The following CELSR1 variants were observed in gnomAD, a reference collection of about 807,000 sequenced individuals.
The protein encoded by CELSR1 is cadherin EGF LAG seven-pass G-type receptor 1, also known as adhesion G protein-coupled receptor C1.
A neutral mutation model predicts 249.1 loss-of-function variants in CELSR1; 110 were observed. That is an observed-to-expected ratio of 0.44 (90% confidence interval 0.38 to 0.52). The LOEUF (loss-of-function observed/expected upper bound fraction) is 0.52. Ranked by LOEUF, CELSR1 falls within the 20% of genes least tolerant of loss-of-function variation. The probability of loss-of-function intolerance (pLI) is 0.00; values close to 1 mark genes in which losing one functional copy is unlikely to be tolerated. For synonymous variants in CELSR1, 2,113 were observed against 1,900.0 expected, an observed-to-expected ratio of 1.11 and a Z score of -2.92; for missense variants, 4,109 against 4,296.4, an observed-to-expected ratio of 0.96 and a Z score of 1.22.
rs766319701 is a variant in CELSR1 at position 46,446,385 on chromosome 22, T to C, written c.4184-6974A>G. On this transcript the variant is annotated intron_variant, in intron 2 of 34. Transcript: ENST00000674500. The surrounding 1 kb of genome is among the most constrained non-coding windows in gnomAD (Gnocchi z 5.5). ...CTTAGGGTGACCCTGGGGGCTCTCA[T>C]GGACTCAAAATCTCCCCTCTCCAGC... Among the ~76,000 whole-genome samples the C allele has an allele frequency of 6.6e-5, 10 of 152,248 alleles. No individual in the cohort carries two copies. Among genetic ancestry groups the C allele is most frequent in the Non-Finnish European group, 1.2e-4 (8 of 68,010 alleles).
chr22:46,375,909 C>T (rs547220824), intron 24 of CELSR1, among the ~76,000 whole-genome samples: 39 of 152,322 alleles, frequency 2.6e-4, no homozygotes, highest in African/African-American at 9.1e-4. Flanking sequence ...CTTCATGTTA[C>T]CTAATAATGA....
intron 1 of CELSR1, among the ~76,000 whole-genome samples, chr22:46,476,785 G>A (rs963517159): frequency 1.3e-5 from 2 of 152,054 alleles, no homozygotes; most frequent in South Asian, 4.2e-4. Flanking sequence ...AGAGGGACCA[G>A]AAGTGATTAA....
chr22:46,536,262 G>A lies in CELSR1; in HGVS notation c.909C>T (p.Gly303=). Residue 303 remains glycine, a synonymous_variant, in exon 1 of 35, where the codon GGC becomes GGT. Coordinates refer to ENST00000674500, the MANE Select transcript of CELSR1 (RefSeq NM_001378328.1). ...RGYFRIDSAT[G]AVSTDSVLDR... ...CCAGTACGCTGTCCGTGCTCACGGC[G>A]CCCGTGGCAGAGTCGATTCGGAAGT... The A allele has an allele frequency of 6.2e-6, 10 of 1,612,304 alleles. No individual in the cohort carries two copies. The highest frequency in any genetic ancestry group is 8.5e-6 in the Non-Finnish European group (10 of 1,179,784).
chr22:46,534,672 C>G lies in CELSR1; in HGVS notation c.2499G>C (p.Pro833=). ...CACTGTCGGGGTCAATGCGGAACTG[C>G]GGCACGGGGTCCTGAATCACGTAGG... ...RITYVIQDPV[P]QFRIDPDSGT... The change falls in exon 1 of 35, where the codon CCG becomes CCC. Residue 833 remains proline (P), a synonymous_variant. Coordinates refer to ENST00000674500, the MANE Select transcript of CELSR1 (RefSeq NM_001378328.1). The surrounding 1 kb of genome is among the most constrained non-coding windows in gnomAD (Gnocchi z 9.7). The G allele has an allele frequency of 6.2e-7, 1 of 1,613,730 alleles. No individual in the cohort carries two copies. The highest frequency in any genetic ancestry group is 8.5e-7 in the Non-Finnish European group (1 of 1,180,022).
rs955575271 is a variant in CELSR1 at position 46,527,838 on chromosome 22, G to A, written c.3544+5789C>T. Among the ~76,000 whole-genome samples the A allele has an allele frequency of 2.6e-5, 4 of 152,184 alleles. No homozygotes were observed. Among genetic ancestry groups the A allele is most frequent in the African/African-American group, 9.7e-5 (4 of 41,436 alleles). ...AGGCTGGGAGCGGTGGCTCACGCCT[G>A]TAATCCCAGCATTTTGGGAGGCTGA... is the stretch of plus-strand genomic sequence containing the variant. On this transcript the variant is annotated intron_variant, in intron 1 of 34. Coordinates refer to ENST00000674500, the MANE Select transcript of CELSR1 (RefSeq NM_001378328.1). This position sits in a 1 kb window ranked among gnomAD's most constrained non-coding sequence, Gnocchi z 5.5.
At chr22:46,467,888 G>C (rs1458232738) in intron 1 of CELSR1, among the ~76,000 whole-genome samples, 2 of 152,092 alleles carry the variant, frequency 1.3e-5, no homozygotes, top group Admixed American at 1.3e-4. Flanking sequence ...TAAAAGGATG[G>C]GGTGGCAGGG....
rs1157640996 is a variant in CELSR1, at chr22:46,488,133, G to C, written c.3545-23788C>G. On this transcript the variant is annotated intron_variant, in intron 1 of 34. Transcript: ENST00000674500. This position sits in a 1 kb window ranked among gnomAD's most constrained non-coding sequence, Gnocchi z 4.7. ...CCTGCCCTGCACCTCAGTTTCAGGG[G>C]AGGGCTCTGCAGGCTGACAGCAGCT... Among the ~76,000 whole-genome samples, 1 of 151,910 alleles carries C rather than the reference G, an allele frequency of 6.6e-6. No homozygotes were observed. Among genetic ancestry groups the C allele is most frequent in the Admixed American group, 6.5e-5 (1 of 15,270 alleles).
At chr22:46,462,090 G>A (rs1373063211) in intron 2 of CELSR1, among the ~76,000 whole-genome samples, 1 of 152,262 alleles carries the variant, frequency 6.6e-6, no homozygotes, top group Non-Finnish European at 1.5e-5. Context: ...TGGGAGGCGG[G>A]GGTCTCCCGC....
rs1602038456 is a variant in CELSR1, at chr22:46,374,573, C to T, written c.7585-1516G>A. ...CGCCCTTTCCTTCTCCATGCTCAGC[C>T]GTGCGTGGCTGCCGGGACAGCGCTC... On this transcript the variant is annotated intron_variant, in intron 24 of 34. Transcript: ENST00000674500. The surrounding 1 kb of genome is among the most constrained non-coding windows in gnomAD (Gnocchi z 4.3). 6.6e-6 allele frequency among the ~76,000 whole-genome samples: 1 copy of T among 152,164 alleles called. No homozygotes were observed. The highest frequency in any genetic ancestry group is 1.9e-4 in the East Asian group (1 of 5,184).
In CELSR1 at chr22:46,537,434, G is replaced by A. The variant is rs567536149; in HGVS notation, c.-264C>T. On this transcript the variant is annotated 5_prime_UTR_variant, in exon 1 of 35. Coordinates refer to ENST00000674500, the MANE Select transcript of CELSR1 (RefSeq NM_001378328.1). The surrounding 1 kb of genome is among the most constrained non-coding windows in gnomAD (Gnocchi z 5.8). ...CCTCCGCGCGTCCCGGGAGGGCGCC[G>A]CGCATCAACCTGCGGCGGCGGCGGC... Among the ~76,000 whole-genome samples, 60 of 148,612 alleles carry A rather than the reference G, an allele frequency of 4.0e-4. No individual in the cohort carries two copies. The highest frequency in any genetic ancestry group is 1.2e-3 in the African/African-American group (51 of 40,980).
intron 5 of CELSR1, among the ~76,000 whole-genome samples, chr22:46,424,592 A>AT (rs2079516601): frequency 6.6e-6 from 1 of 152,170 alleles, no homozygotes; most frequent in South Asian, 2.1e-4. Flanking sequence ...CCTGTGTCCT[A>AT]TCACAGCCAC....
intron 1 of CELSR1, among the ~76,000 whole-genome samples, chr22:46,493,412 G>A (rs2080385945): frequency 6.6e-6 from 1 of 151,964 alleles, no homozygotes; most frequent in Non-Finnish European, 1.5e-5. Context: ...TGGGTGTGGT[G>A]GTGGGCACCT....
intron 1 of CELSR1, among the ~76,000 whole-genome samples, chr22:46,466,018 C>T (rs1199595171): frequency 6.6e-6 from 1 of 152,180 alleles, no homozygotes; most frequent in Non-Finnish European, 1.5e-5. Flanking sequence ...GGGAGGGCGC[C>T]TCTGGCTCTG....
chr22:46,520,121 G>A (rs370659178), intron 1 of CELSR1, among the ~76,000 whole-genome samples: 70 of 152,104 alleles, frequency 4.6e-4, no homozygotes, highest in East Asian at 1.9e-4. Context: ...TGATCCACCC[G>A]CCTCGGCCTC....
chr22:46,398,514 C>G lies in CELSR1; in HGVS notation c.5526+10G>C, dbSNP rs1324580936. ...CAGGCCTCCCCCCGCCCCCCACAACCCCCACGCACCTGCATGCAGCCTCGG... is the reference window on the plus strand; with the variant it reads ...CAGGCCTCCCCCCGCCCCCCACAACGCCCACGCACCTGCATGCAGCCTCGG... On this transcript the variant is annotated intron_variant, in intron 11 of 34. Coordinates refer to ENST00000674500, the MANE Select transcript of CELSR1 (RefSeq NM_001378328.1). This position sits in a 1 kb window ranked among gnomAD's most constrained non-coding sequence, Gnocchi z 7.2. The G allele has an allele frequency of 1.2e-5, 19 of 1,593,744 alleles. No individual in the cohort carries two copies. The highest frequency in any genetic ancestry group is 1.6e-5 in the Non-Finnish European group (19 of 1,168,400).
At chr22:46,480,148 G>A (rs978021562) in intron 1 of CELSR1, among the ~76,000 whole-genome samples, 7 of 152,184 alleles carry the variant, frequency 4.6e-5, no homozygotes, top group Non-Finnish European at 1.0e-4. Context: ...CGGGCAAAGT[G>A]TTACTGCAAG....
chr22:46,411,877 A>C lies in CELSR1; in HGVS notation c.4612-118T>G, dbSNP rs1428576485. The C allele has an allele frequency of 7.8e-7, 1 of 1,283,504 alleles. No individual in the cohort carries two copies. Among genetic ancestry groups the C allele is most frequent in the Non-Finnish European group, 1.1e-6 (1 of 911,348 alleles). 79.5% of individuals were successfully genotyped at this position (1,283,504 alleles called of 1,614,324 possible). A position where few individuals can be genotyped will look rare whatever the true frequency, so the allele number is the denominator to read the frequency against. On this transcript the variant is annotated intron_variant, in intron 5 of 34. Coordinates refer to ENST00000674500, the MANE Select transcript of CELSR1 (RefSeq NM_001378328.1). The surrounding 1 kb of genome is among the most constrained non-coding windows in gnomAD (Gnocchi z 4.2). ...GCACAGGGTGGGCGGCACGTAGACA[A>C]GGGATGAGGAGCCCCCGGCCTTTAG...
Position 46,537,445 on chromosome 22 carries a change from T to TGCG in CELSR1, c.-278_-276dup, listed in dbSNP as rs540684778. Among the ~76,000 whole-genome samples the TGCG allele has an allele frequency of 1.1e-4, 16 of 141,906 alleles. No homozygotes were observed. The Middle Eastern group carries it at 0.014, about 120-fold the overall frequency. The allele number at this position is 141,906 out of a possible 152,430, so 93.1% of individuals were successfully genotyped here. ...CCCGGGAGGGCGCCGCGCATCAACCTGCGGCGGCGGCGGCGGCTCCAGGCG... is the reference window on the plus strand; with the variant it reads ...CCCGGGAGGGCGCCGCGCATCAACCTGCGGCGGCGGCGGCGGCGGCTCCAGGCG... On this transcript the variant is annotated 5_prime_UTR_variant, in exon 1 of 35. Coordinates refer to ENST00000674500, the MANE Select transcript of CELSR1 (RefSeq NM_001378328.1). This position sits in a 1 kb window ranked among gnomAD's most constrained non-coding sequence, Gnocchi z 5.8.
At chr22:46,478,075 G>C (rs1404207406) in intron 1 of CELSR1, among the ~76,000 whole-genome samples, 1 of 152,174 alleles carries the variant, frequency 6.6e-6, no homozygotes, top group African/African-American at 2.4e-5. Flanking sequence ...CCTCGGAAAT[G>C]ATCACCCAAA....
Sources: allele counts gnomAD v4.1 joint callset (sites outside exome capture counted in the v4.1 genomes callset), GRCh38; gene constraint gnomAD v4.1.1; non-coding constraint Gnocchi (gnomAD v3.1); transcripts MANE v1.5; gene names NCBI Gene and HGNC (gene_info 2026-07-23, HGNC 2026-07-21).